Variants in IL1RAPL1 observed in about 807,000 individuals in gnomAD.
The protein encoded by IL1RAPL1 is interleukin-1 receptor accessory protein-like 1.
IL1RAPL1 carries 3 observed loss-of-function variants against 48.4 expected under a neutral mutation model. The observed-to-expected ratio is 0.06, with a 90% CI of 0.03 to 0.16. The LOEUF is 0.16. Among genes scored for constraint, IL1RAPL1 ranks in the 10% least tolerant of loss-of-function variants. The pLI is 1.00. For missense variants in IL1RAPL1, 349 were observed against 530.6 expected (o/e 0.66, Z 3.36); for synonymous variants, 185 against 187.7 (o/e 0.99, Z 0.12).
At chrX:29,439,497 G>A (rs889760627) in intron 5 of IL1RAPL1, among the ~76,000 whole-genome samples, 18 of 111,461 alleles carry the variant, frequency 1.6e-4, no homozygotes, top group Non-Finnish European at 5.7e-5. Flanking sequence ...TCAAAATTGC[G>A]TGGCAAAAGG....
chrX:29,627,522 C>T (rs1306801662), intron 5 of IL1RAPL1, among the ~76,000 whole-genome samples: 5 of 111,996 alleles, frequency 4.5e-5, no homozygotes, highest in African/African-American at 1.6e-4. Context: ...TTTACACCAT[C>T]GATTTGTTTA....
chrX:29,360,219 A>G (rs772942915), intron 3 of IL1RAPL1, among the ~76,000 whole-genome samples: 1 of 112,144 alleles, frequency 8.9e-6, no homozygotes, highest in Non-Finnish European at 1.9e-5. Flanking sequence ...GAATGAGCAA[A>G]CTGGGACTTA....
intron 2 of IL1RAPL1, among the ~76,000 whole-genome samples, chrX:29,115,652 G>T (rs1483417249): frequency 9.2e-6 from 1 of 109,130 alleles, no homozygotes. Context: ...TCTATTGCTG[G>T]ATTTAAAAAA....
At chrX:29,287,864 C>A (rs894384239) in intron 3 of IL1RAPL1, among the ~76,000 whole-genome samples, 1 of 111,191 alleles carries the variant, frequency 9.0e-6, no homozygotes, top group African/African-American at 3.3e-5. Flanking sequence ...TCTTTTTGTC[C>A]TTCTAACAGG....
intron 5 of IL1RAPL1, among the ~76,000 whole-genome samples, chrX:29,450,047 T>G (rs1006223409): frequency 3.6e-5 from 4 of 111,003 alleles, no homozygotes; most frequent in African/African-American, 1.3e-4. Flanking sequence ...ACTATTACAA[T>G]CTTAATGACT....
chrX:29,801,505 C>A (rs1224459616), intron 6 of IL1RAPL1, among the ~76,000 whole-genome samples: 1 of 111,463 alleles, frequency 9.0e-6, no homozygotes, highest in African/African-American at 3.3e-5. Flanking sequence ...ACCCACAGGA[C>A]TTAAAAAGAG....
At chrX:28,800,459 A>T (rs1601909099) in intron 2 of IL1RAPL1, among the ~76,000 whole-genome samples, 1 of 111,825 alleles carries the variant, frequency 8.9e-6, no homozygotes, top group East Asian at 2.8e-4. Flanking sequence ...GAGATTATCC[A>T]GGGAAAACAT....
chrX:28,707,219 A>G (rs1174700472), intron 1 of IL1RAPL1, among the ~76,000 whole-genome samples: 1 of 112,227 alleles, frequency 8.9e-6, no homozygotes, highest in Non-Finnish European at 1.9e-5. Flanking sequence ...TACTTGGCCC[A>G]CGCAAGGGGT....
intron 2 of IL1RAPL1, among the ~76,000 whole-genome samples, chrX:29,201,518 G>A (rs1240855105): frequency 9.0e-6 from 1 of 111,353 alleles, no homozygotes; most frequent in Admixed American, 9.6e-5. Flanking sequence ...AATATAAAGA[G>A]TCCCTTCCAG....
chrX:28,849,331 T>A lies in IL1RAPL1; in HGVS notation c.82+59906T>A, dbSNP rs990663908. Among the ~76,000 whole-genome samples, 3 of 111,692 alleles carry A rather than the reference T, an allele frequency of 2.7e-5. No homozygotes were observed. In the Admixed American group the frequency reaches 2.9e-4, roughly 11 times the overall value. On this transcript the variant is annotated intron_variant, in intron 2 of 10. Transcript: ENST00000378993. ...GAGAACATGCACTTCACTGTAGTTT[T>A]ACCTCCTTCTGGATTACACGAGAAG...
At chrX:29,032,872 T>A (rs778818937) in intron 2 of IL1RAPL1, among the ~76,000 whole-genome samples, 1 of 112,610 alleles carries the variant, frequency 8.9e-6, no homozygotes, top group African/African-American at 3.2e-5. Flanking sequence ...CTTTCTTGAT[T>A]AACTGAAAAA....
At chrX:29,244,625 G>T (rs768465809) in intron 2 of IL1RAPL1, among the ~76,000 whole-genome samples, 1 of 112,341 alleles carries the variant, frequency 8.9e-6, no homozygotes, top group Admixed American at 9.4e-5. Context: ...GTTAAATGAT[G>T]ATTATTTTTG....
At chrX:29,104,585 A>G (rs372974589) in intron 2 of IL1RAPL1, among the ~76,000 whole-genome samples, 8 of 111,466 alleles carry the variant, frequency 7.2e-5, no homozygotes, top group Non-Finnish European at 1.1e-4. Context: ...ACACTAAGCA[A>G]TAATTTATTG....
intron 2 of IL1RAPL1, among the ~76,000 whole-genome samples, chrX:29,077,059 G>A (rs1438704089): frequency 2.7e-5 from 3 of 111,767 alleles, no homozygotes; most frequent in Non-Finnish European, 5.6e-5. Flanking sequence ...TTGCCAGGAA[G>A]TTTTGACTCC....
chrX:29,244,856 G>A (rs949489868), intron 2 of IL1RAPL1, among the ~76,000 whole-genome samples: 17 of 109,185 alleles, frequency 1.6e-4, no homozygotes, highest in African/African-American at 5.0e-4. Context: ...TGTGCAGAAC[G>A]TGCAGGTTTG....
intron 1 of IL1RAPL1, among the ~76,000 whole-genome samples, chrX:28,698,448 G>A (rs1935259851): frequency 9.0e-6 from 1 of 111,426 alleles, no homozygotes; most frequent in Non-Finnish European, 1.9e-5. Flanking sequence ...TCTTAATTTA[G>A]TAGTAATTTG....
intron 5 of IL1RAPL1, among the ~76,000 whole-genome samples, chrX:29,463,574 C>T (rs2147735256): frequency 9.0e-6 from 1 of 111,384 alleles, no homozygotes; most frequent in Non-Finnish European, 1.9e-5. Flanking sequence ...GATGTATTTG[C>T]TTAAGAATAA....
chrX:28,928,690 G>A (rs1022589745), intron 2 of IL1RAPL1, among the ~76,000 whole-genome samples: 1 of 112,058 alleles, frequency 8.9e-6, no homozygotes, highest in Admixed American at 9.5e-5. Context: ...TCTCAGAAAT[G>A]CCTTTCCTGA....
intron 3 of IL1RAPL1, among the ~76,000 whole-genome samples, chrX:29,319,138 TATG>T (rs1168640354): frequency 1.3e-5 from 1 of 79,591 alleles, no homozygotes; most frequent in Non-Finnish European, 2.3e-5. Context: ...CACACATACG[TATG>T]ATATCTGTCT....
Sources: gnomAD v4.1 joint callset for allele counts (sites outside exome capture counted in the v4.1 genomes callset) on GRCh38, gnomAD v4.1.1 for gene constraint, MANE v1.5 for transcripts, NCBI Gene and HGNC (gene_info 2026-07-23, HGNC 2026-07-21) for gene names.